The following RPRD2 variants were observed in gnomAD, a reference collection of about 807,000 sequenced individuals.
RPRD2 encodes the protein regulation of nuclear pre-mRNA domain-containing protein 2.
Under a neutral mutation model 104.4 loss-of-function variants are expected in RPRD2, and 12 were observed. The ratio of observed to expected loss-of-function variants is 0.11; its 90% confidence interval spans 0.07 to 0.19. The LOEUF (loss-of-function observed/expected upper bound fraction) is 0.19. Ranked by LOEUF, RPRD2 falls within the 10% of genes least tolerant of loss-of-function variation. The pLI, the probability that RPRD2 is intolerant of heterozygous loss-of-function variation, is 1.00. For missense variants in RPRD2, 1,543 were observed against 1,790.1 expected (o/e 0.86, Z 2.49); for synonymous variants, 714 against 684.9 (o/e 1.04, Z -0.66).
At chr1:150,425,997 A>G (rs1435205118) in intron 2 of RPRD2, among the ~76,000 whole-genome samples, 2 of 152,188 alleles carry the variant, frequency 1.3e-5, no homozygotes, top group African/African-American at 2.4e-5. Context: ...GCTACTTGGA[A>G]GGCTGAAGCA....
At chr1:150,417,912 C>G (rs1371552838) in intron 2 of RPRD2, among the ~76,000 whole-genome samples, 187 bp downstream of exon 2, 3 of 148,848 alleles carry the variant, frequency 2.0e-5, no homozygotes, top group African/African-American at 7.5e-5. Flanking sequence ...TTTTCTTTTT[C>G]TCTCTCTCTC....
chr1:150,416,674 A>C (rs1664351144), intron 1 of RPRD2, among the ~76,000 whole-genome samples: 1 of 152,010 alleles, frequency 6.6e-6, no homozygotes, highest in Non-Finnish European at 1.5e-5. Context: ...GTTTGAGATC[A>C]GCCTGGCCAA....
At chr1:150,443,402 T>C (rs1341956561) in intron 5 of RPRD2, 119 bp downstream of exon 5, 16 of 731,766 alleles carry the variant, frequency 2.2e-5, no homozygotes, top group African/African-American at 3.6e-5. Flanking sequence ...GTTTTAAACA[T>C]GCATGAACTG....
chr1:150,423,351 T>C (rs963477101), intron 2 of RPRD2, among the ~76,000 whole-genome samples: 2 of 152,196 alleles, frequency 1.3e-5, no homozygotes, highest in Admixed American at 6.5e-5. Flanking sequence ...TTTGCTTGTA[T>C]TGTGTCAGGA....
chr1:150,424,077 C>T (rs587623383), intron 2 of RPRD2, among the ~76,000 whole-genome samples: 7 of 152,232 alleles, frequency 4.6e-5, no homozygotes, highest in African/African-American at 1.4e-4. Context: ...CAGGTGTGAG[C>T]CACAGCACCC....
chr1:150,430,413 A>G (rs1434110379), intron 2 of RPRD2, among the ~76,000 whole-genome samples: 14 of 152,000 alleles, frequency 9.2e-5, no homozygotes, highest in African/African-American at 3.1e-4. Context: ...GCTCACACCT[A>G]TAATCCCATC....
chr1:150,389,678 C>T (rs834235), intron 1 of RPRD2, among the ~76,000 whole-genome samples: 91,001 of 151,936 alleles, frequency 0.6, 27,761 homozygotes, highest in African/African-American at 0.65. Context: ...GGAGTTATGC[C>T]GTCTACCTCC....
intron 2 of RPRD2, among the ~76,000 whole-genome samples, chr1:150,424,575 C>T (rs1664986104): frequency 2.0e-5 from 3 of 152,040 alleles, no homozygotes; most frequent in Admixed American, 2.0e-4. Flanking sequence ...CATGAGCTAC[C>T]GCACGCGGCC....
At chr1:150,388,355 T>C (rs61817504) in intron 1 of RPRD2, among the ~76,000 whole-genome samples, 1 of 93,314 alleles carries the variant, frequency 1.1e-5, no homozygotes, top group Non-Finnish European at 2.5e-5. Flanking sequence ...CACACACATA[T>C]ACATATATAC....
intron 1 of RPRD2, among the ~76,000 whole-genome samples, chr1:150,393,632 G>A (rs1553883612): frequency 6.6e-6 from 1 of 152,030 alleles, no homozygotes; most frequent in Non-Finnish European, 1.5e-5. Flanking sequence ...ATAATGCAGA[G>A]AGAATTTGGC....
At chr1:150,367,754 G>C (rs1452695379) in intron 1 of RPRD2, among the ~76,000 whole-genome samples, 1 of 150,128 alleles carries the variant, frequency 6.7e-6, no homozygotes, top group East Asian at 1.9e-4. Flanking sequence ...ATGGAGTCTC[G>C]CTCTGTCGTC....
At chr1:150,452,141 C>CAAA (rs34342843) in intron 7 of RPRD2, among the ~76,000 whole-genome samples, 8 of 110,882 alleles carry the variant, frequency 7.2e-5, no homozygotes, top group Admixed American at 1.1e-4. Context: ...GACTCTGTCT[C>CAAA]AAAAAAAAAA....
intron 1 of RPRD2, among the ~76,000 whole-genome samples, chr1:150,392,379 C>T (rs1041150560): frequency 6.6e-6 from 1 of 152,116 alleles, no homozygotes; most frequent in Admixed American, 6.6e-5. Context: ...GTGGCACATG[C>T]CTGTAATCCC....
Position 150,473,380 on chromosome 1 carries a change from A to C in RPRD2, c.*46A>C. On this transcript the variant is annotated 3_prime_UTR_variant, in exon 11 of 11. Coordinates refer to ENST00000369068, the MANE Select transcript of RPRD2 (RefSeq NM_015203.5). ...TTTTGAACAGTCTAGAGAACATTGG[A>C]AGTAGGAGTTTGGTTTATTGTTGTT... 2 of 1,497,254 alleles carry C rather than the reference A, an allele frequency of 1.3e-6. No homozygotes were observed. The highest frequency in any genetic ancestry group is 1.8e-6 in the Non-Finnish European group (2 of 1,119,884). 92.7% of individuals were successfully genotyped at this position (1,497,254 alleles called of 1,614,324 possible).
In RPRD2 at chr1:150,442,016, A is replaced by C. The variant is rs1172420554; in HGVS notation, c.514+58A>C. 2.2e-6 allele frequency: 3 copies of C among 1,339,408 alleles called. No homozygotes were observed. The South Asian group carries it at 3.8e-5, about 17-fold the overall frequency. The allele number at this position is 1,339,408 out of a possible 1,614,324, so 83.0% of individuals were successfully genotyped here. ...ACCTCCTCTTTTTGGAGCAGAAGAA[A>C]ATGTAGACCATTTGACATCGTACCT... On this transcript the variant is annotated intron_variant, in intron 4 of 10. Transcript: ENST00000369068.
At chr1:150,393,143 A>G (rs587643705) in intron 1 of RPRD2, among the ~76,000 whole-genome samples, 148 of 152,304 alleles carry the variant, frequency 9.7e-4, no homozygotes, top group African/African-American at 3.2e-3. Flanking sequence ...TAGTAGCTGC[A>G]TGAATAAAGA....
intron 10 of RPRD2, among the ~76,000 whole-genome samples, chr1:150,470,344 TGGAAACATTTCA>T (rs1340176916): frequency 6.6e-6 from 1 of 152,178 alleles, no homozygotes; most frequent in African/African-American, 2.4e-5. Flanking sequence ...TGGACTGTAC[TGGAAACATTTCA>T]GTGATTTGCT....
At chr1:150,367,706 A>G (rs143453062) in intron 1 of RPRD2, among the ~76,000 whole-genome samples, 5,222 of 151,732 alleles carry the variant, frequency 0.034, 106 homozygotes, top group Non-Finnish European at 0.049. Context: ...TTCCAGAGAT[A>G]TTTTTATTTT....
chr1:150,444,927 C>G (rs1400783635), intron 6 of RPRD2, among the ~76,000 whole-genome samples: 1 of 152,182 alleles, frequency 6.6e-6, no homozygotes, highest in African/African-American at 2.4e-5. Flanking sequence ...GACACAGTGC[C>G]TGTAATCTCA....
Sources: gnomAD v4.1 joint callset for allele counts (sites outside exome capture counted in the v4.1 genomes callset) on GRCh38, gnomAD v4.1.1 for gene constraint, MANE v1.5 for transcripts, NCBI Gene and HGNC (gene_info 2026-07-23, HGNC 2026-07-21) for gene names.